Variants in GRAMD1B observed in about 807,000 individuals in gnomAD.
The protein encoded by GRAMD1B is protein Aster-B.
A neutral mutation model predicts 99.7 loss-of-function variants in GRAMD1B; 37 were observed. The observed-to-expected ratio is 0.37, with a 90% confidence interval of 0.29 to 0.49. The LOEUF is 0.49. Ranked by LOEUF, GRAMD1B falls within the 20% of genes least tolerant of loss-of-function variation. The probability of loss-of-function intolerance (pLI) is 0.98; values close to 1 mark genes in which losing one functional copy is unlikely to be tolerated. For missense variants in GRAMD1B, 888 were observed against 1,009.2 expected (o/e 0.88, Z 1.63); for synonymous variants, 427 against 387.6 (o/e 1.10, Z -1.19).
intron 1 of GRAMD1B, among the ~76,000 whole-genome samples, chr11:123,441,464 C>T (rs1294728508): frequency 6.6e-6 from 1 of 151,956 alleles, no homozygotes; most frequent in Non-Finnish European, 1.5e-5. Context: ...AACATAGTGA[C>T]CCCTATCTCT....
At chr11:123,418,736 T>C (rs950005109) in intron 1 of GRAMD1B, among the ~76,000 whole-genome samples, 1 of 152,152 alleles carries the variant, frequency 6.6e-6, no homozygotes, top group Admixed American at 6.5e-5. Flanking sequence ...CAGAAGGGCA[T>C]TGTGGCAGAA....
chr11:123,411,076 C>T (rs912688175), intron 1 of GRAMD1B, among the ~76,000 whole-genome samples: 6 of 151,830 alleles, frequency 4.0e-5, no homozygotes, highest in African/African-American at 1.5e-4. Context: ...ATGATCTCGG[C>T]TCACTGCAAG....
chr11:123,588,149 G>A (rs978282078), intron 4 of GRAMD1B, among the ~76,000 whole-genome samples: 2 of 152,022 alleles, frequency 1.3e-5, no homozygotes, highest in Admixed American at 6.6e-5. Context: ...AGTTTCCTGT[G>A]TGGATCTTAA....
intron 15 of GRAMD1B, 190 bp from the exon 16 acceptor site, chr11:123,613,265 G>GAACAACCCCAGAGGAAGGGTTTGTTC (rs1953855132): frequency 1.7e-6 from 1 of 592,426 alleles, no homozygotes; most frequent in East Asian, 2.8e-5. Flanking sequence ...TTGCAATGTT[G>GAACAACCCCAGAGGAAGGGTTTGTTC]AACAACCCCA....
intron 4 of GRAMD1B, 27 bp from the exon 5 acceptor site, chr11:123,594,055 C>T: frequency 6.0e-6 from 9 of 1,506,150 alleles, no homozygotes; most frequent in Non-Finnish European, 8.3e-6. Flanking sequence ...GGGGTACATC[C>T]TACTAACCTT....
rs1381415146 is a variant in GRAMD1B, at chr11:123,625,967, A to ATC, written c.*3372_*3373insTC. 15 of 147,994 alleles carry ATC rather than the reference A, an allele frequency of 1.0e-4. No individual in the cohort carries two copies. The highest frequency in any genetic ancestry group is 2.0e-4 in the Admixed American group (3 of 14,880). The allele number at this position is 147,994 out of a possible 1,614,324, so 9.2% of individuals were successfully genotyped here. On this transcript the variant is annotated 3_prime_UTR_variant, in exon 20 of 20. Transcript: ENST00000635736. Reference sequence around the variant, plus strand: ...GAGAGAGAGAGAGAGAGAGAGAGAGAGAGAGAGAGAGAGATCGAGCTTGAT... The same window carrying ATC: ...GAGAGAGAGAGAGAGAGAGAGAGAGATCGAGAGAGAGAGAGATCGAGCTTGAT...
At chr11:123,549,183 C>T (rs1945360626) in intron 2 of GRAMD1B, among the ~76,000 whole-genome samples, 1 of 152,202 alleles carries the variant, frequency 6.6e-6, no homozygotes, top group Non-Finnish European at 1.5e-5. Flanking sequence ...TCTCCTGCTT[C>T]ACTTCCTATG....
chr11:123,534,284 T>C (rs1178407330), intron 2 of GRAMD1B, among the ~76,000 whole-genome samples: 4 of 152,188 alleles, frequency 2.6e-5, no homozygotes, highest in Non-Finnish European at 5.9e-5. Flanking sequence ...CAGATTGTCA[T>C]AAAGGCCTTC....
At chr11:123,539,478 C>T (rs1944300449) in intron 2 of GRAMD1B, among the ~76,000 whole-genome samples, 1 of 152,090 alleles carries the variant, frequency 6.6e-6, no homozygotes, top group South Asian at 2.1e-4. Context: ...TGGTATGCAC[C>T]TGTTGTCCTA....
intron 1 of GRAMD1B, among the ~76,000 whole-genome samples, chr11:123,378,010 A>G (rs1465938266): frequency 1.3e-5 from 2 of 152,182 alleles, no homozygotes; most frequent in African/African-American, 4.8e-5. Flanking sequence ...TAGCATAGGT[A>G]TATTTCTGTG....
chr11:123,599,069 C>T, intron 7 of GRAMD1B: 3 of 1,016,344 alleles, frequency 3.0e-6, no homozygotes, highest in Non-Finnish European at 4.7e-6. Flanking sequence ...CTGTGAACTC[C>T]ACCGAGTTTT....
chr11:123,514,690 G>A (rs1941503365), intron 2 of GRAMD1B, among the ~76,000 whole-genome samples: 1 of 152,206 alleles, frequency 6.6e-6, no homozygotes, highest in Non-Finnish European at 1.5e-5. Context: ...GAAAGCCCGT[G>A]CAGTGCTGAG....
Position 123,623,014 on chromosome 11 carries a change from T to C in GRAMD1B, c.*419T>C, listed in dbSNP as rs1955303297. The C allele has an allele frequency of 6.6e-6, 1 of 152,168 alleles. No homozygotes were observed. The highest frequency in any genetic ancestry group is 1.5e-5 in the Non-Finnish European group (1 of 68,046). The allele number at this position is 152,168 out of a possible 1,614,324, so 9.4% of individuals were successfully genotyped here. Reference sequence around the variant, plus strand: ...AAGGTGCTTCATTCCCTAATCCCCTTTTGATTTGTTTCCAAAATAAAAGAG... The same window carrying C: ...AAGGTGCTTCATTCCCTAATCCCCTCTTGATTTGTTTCCAAAATAAAAGAG... On this transcript the variant is annotated 3_prime_UTR_variant, in exon 20 of 20. Transcript: ENST00000635736.
chr11:123,627,450 T>C lies in GRAMD1B; in HGVS notation c.*4855T>C, dbSNP rs1955561167. 1 of 152,160 alleles carries C rather than the reference T, an allele frequency of 6.6e-6. No homozygotes were observed. Among genetic ancestry groups the C allele is most frequent in the Non-Finnish European group, 1.5e-5 (1 of 68,114 alleles). The allele number at this position is 152,160 out of a possible 1,614,324, so 9.4% of individuals were successfully genotyped here. A position where few individuals can be genotyped will look rare whatever the true frequency, so the allele number is the denominator to read the frequency against. On this transcript the variant is annotated 3_prime_UTR_variant, in exon 20 of 20. Transcript: ENST00000635736. ...CCCCAACTCAACCTAGACTCCAAGG[T>C]GGGGAGGGATGGGTCAGAGGCCATA... is the stretch of plus-strand genomic sequence containing the variant.
intron 2 of GRAMD1B, among the ~76,000 whole-genome samples, chr11:123,556,460 C>T (rs1190948727): frequency 6.6e-6 from 1 of 152,122 alleles, no homozygotes; most frequent in Non-Finnish European, 1.5e-5. Context: ...TGTGATTGAT[C>T]AGGTCTGGGT....
rs575964144 is a variant in GRAMD1B, at chr11:123,502,589, A to G, written c.452+21696A>G. Among the ~76,000 whole-genome samples, 13 of 152,220 alleles carry G rather than the reference A, an allele frequency of 8.5e-5. No individual in the cohort carries two copies. In the South Asian group the frequency reaches 2.5e-3, roughly 29 times the overall value. On this transcript the variant is annotated intron_variant, in intron 2 of 19. Transcript: ENST00000635736. ...CAGGAGTTCAAGACCAGCCTGGGCA[A>G]CTTGGTGAAACTCCGTCTCTACTAA... is the stretch of plus-strand genomic sequence containing the variant.
chr11:123,617,163 T>C (rs1954526351), intron 17 of GRAMD1B, among the ~76,000 whole-genome samples: 1 of 149,610 alleles, frequency 6.7e-6, no homozygotes, highest in Admixed American at 6.8e-5. Context: ...TGTTTTTCTT[T>C]CTTTCCTTTT....
chr11:123,560,567 C>T, intron 2 of GRAMD1B: 1 of 725,306 alleles, frequency 1.4e-6, no homozygotes, highest in Non-Finnish European at 2.1e-6. Context: ...CCGCTCCCCG[C>T]CCCCGCCCCC....
intron 2 of GRAMD1B, chr11:123,559,752 C>G (rs1415737207): frequency 1.1e-6 from 1 of 910,146 alleles, no homozygotes; most frequent in East Asian, 1.2e-4. Flanking sequence ...GCGGGAGAAG[C>G]GAGCATCCTG....
Sources: allele counts gnomAD v4.1 joint callset (sites outside exome capture counted in the v4.1 genomes callset), GRCh38; gene constraint gnomAD v4.1.1; transcripts MANE v1.5; gene names NCBI Gene and HGNC (gene_info 2026-07-23, HGNC 2026-07-21).